The following GPC6 variants were observed in gnomAD, a reference collection of about 807,000 sequenced individuals.
GPC6 encodes glypican 6, also known as glypican-6.
A neutral mutation model predicts 55.2 loss-of-function variants in GPC6; 14 were observed. That is an observed-to-expected ratio of 0.25 (90% confidence interval 0.17 to 0.40). The LOEUF (loss-of-function observed/expected upper bound fraction) is 0.40. Ranked by LOEUF, GPC6 falls within the 10% of genes least tolerant of loss-of-function variation. GPC6 has a pLI of 1.00. For missense variants in GPC6, 641 were observed against 708.5 expected (o/e 0.90, Z 1.08); for synonymous variants, 278 against 259.6 (o/e 1.07, Z -0.68).
At chr13:94,029,954 A>G (rs1035832022) in intron 4 of GPC6, among the ~76,000 whole-genome samples, 1 of 151,966 alleles carries the variant, frequency 6.6e-6, no homozygotes, top group Admixed American at 6.6e-5. Context: ...ATGAAAAGCA[A>G]GCGTGGTGGT....
At chr13:93,446,918 A>G (rs1461384508) in intron 1 of GPC6, among the ~76,000 whole-genome samples, 1 of 152,134 alleles carries the variant, frequency 6.6e-6, no homozygotes, top group Non-Finnish European at 1.5e-5. Context: ...TTTTTAAAAA[A>G]ATCAATGCCA....
At position 94,316,880 on chromosome 13, in the gene GPC6, T is replaced by C. The variant is rs114619886; in HGVS notation, c.1152+10757T>C. On this transcript the variant is annotated intron_variant, in intron 6 of 8. Coordinates refer to ENST00000377047, the MANE Select transcript of GPC6 (RefSeq NM_005708.5). ...ATGTTTGCTTAGGCAAAGCGATTTT[T>C]CTGCTTTTCTTTCTGGGCCAAACTG... 2.4e-3 allele frequency among the ~76,000 whole-genome samples: 370 copies of C among 152,342 alleles called. 2 individuals are homozygous for C. Among genetic ancestry groups the C allele is most frequent in the African/African-American group, 8.0e-3 (334 of 41,582 alleles).
chr13:93,276,763 G>T (rs753963785), intron 1 of GPC6, among the ~76,000 whole-genome samples: 44 of 152,074 alleles, frequency 2.9e-4, no homozygotes, highest in Non-Finnish European at 5.0e-4. Context: ...GGGGCCTGAG[G>T]CCTGGTGAAA....
At chr13:93,703,896 A>G (rs1044534938) in intron 2 of GPC6, among the ~76,000 whole-genome samples, 1 of 151,972 alleles carries the variant, frequency 6.6e-6, no homozygotes, top group African/African-American at 2.4e-5. Context: ...TTTAATTCAG[A>G]GCAAAAGTAT....
Position 93,924,130 on chromosome 13 carries a change from C to T in GPC6, c.711+93585C>T, listed in dbSNP as rs1465003342. Among the ~76,000 whole-genome samples the T allele has an allele frequency of 2.0e-5, 3 of 152,192 alleles. No individual in the cohort carries two copies. In the East Asian group the frequency reaches 5.8e-4, roughly 29 times the overall value. ...TCTAAATTACGGGGTCTGTGAGCTC[C>T]TAAGTTATGATGGTTCTTTGGATGT... On this transcript the variant is annotated intron_variant, in intron 3 of 8. Transcript: ENST00000377047.
At chr13:93,611,373 A>T (rs961442703) in intron 2 of GPC6, among the ~76,000 whole-genome samples, 1 of 152,142 alleles carries the variant, frequency 6.6e-6, no homozygotes, top group Non-Finnish European at 1.5e-5. Context: ...TCATTGAAAA[A>T]TTTCAGAGTA....
At chr13:93,390,248 T>C (rs1875570649) in intron 1 of GPC6, among the ~76,000 whole-genome samples, 1 of 152,088 alleles carries the variant, frequency 6.6e-6, no homozygotes. Flanking sequence ...GTAAAGATTA[T>C]TGGTAAACCG....
chr13:93,713,565 A>C (rs1883146013), intron 2 of GPC6, among the ~76,000 whole-genome samples: 1 of 151,748 alleles, frequency 6.6e-6, no homozygotes, highest in South Asian at 2.1e-4. Context: ...CAATGGCATA[A>C]TTATAGCTCA....
intron 1 of GPC6, among the ~76,000 whole-genome samples, chr13:93,300,215 C>A (rs781382467): frequency 3.9e-5 from 6 of 152,140 alleles, no homozygotes; most frequent in Admixed American, 1.3e-4. Flanking sequence ...TAGTGAAATC[C>A]TTAATGGCTT....
chr13:94,343,286 C>T (rs1048918044), intron 6 of GPC6, among the ~76,000 whole-genome samples: 1 of 152,170 alleles, frequency 6.6e-6, no homozygotes, highest in Non-Finnish European at 1.5e-5. Flanking sequence ...CCAGGAGAGC[C>T]TGCTGCATCA....
intron 1 of GPC6, among the ~76,000 whole-genome samples, chr13:93,499,619 T>C (rs1880449253): frequency 6.6e-6 from 1 of 152,002 alleles, no homozygotes; most frequent in Non-Finnish European, 1.5e-5. Flanking sequence ...GTGGGAGGAG[T>C]GAACACCTGA....
intron 1 of GPC6, among the ~76,000 whole-genome samples, chr13:93,510,997 A>ATGTATATATATATGTGTATATATATGTG (rs1279972391): frequency 2.2e-5 from 1 of 44,566 alleles, no homozygotes; most frequent in African/African-American, 7.4e-5. Flanking sequence ...GTATATATAT[A>ATGTATATATATATGTGTATATATATGTG]TATATATATT....
intron 3 of GPC6, among the ~76,000 whole-genome samples, chr13:94,010,336 G>GC (rs1882195931): frequency 6.6e-6 from 1 of 152,210 alleles, no homozygotes; most frequent in Admixed American, 6.5e-5. Flanking sequence ...ACATCAGAAG[G>GC]CCAAGGGTAA....
chr13:94,150,814 G>GTGTATATATATATATATATATATA (rs1555301309), intron 4 of GPC6, among the ~76,000 whole-genome samples: 1 of 100,618 alleles, frequency 9.9e-6, no homozygotes, highest in African/African-American at 3.8e-5. Flanking sequence ...GAGATCAGCA[G>GTGTATATATATATATATATATATA]TATATATATA....
intron 4 of GPC6, among the ~76,000 whole-genome samples, chr13:94,261,503 A>G (rs1031244467): frequency 6.6e-6 from 1 of 152,216 alleles, no homozygotes; most frequent in African/African-American, 2.4e-5. Context: ...TTTACGTGTG[A>G]GGTCAGTAGA....
chr13:93,322,631 G>A (rs1222872269), intron 1 of GPC6, among the ~76,000 whole-genome samples: 1 of 151,076 alleles, frequency 6.6e-6, no homozygotes, highest in Admixed American at 6.6e-5. Flanking sequence ...GTAGAGATGG[G>A]GTTTCACCAT....
chr13:93,679,970 C>T (rs2138763927), intron 2 of GPC6, among the ~76,000 whole-genome samples: 1 of 152,008 alleles, frequency 6.6e-6, no homozygotes, highest in East Asian at 1.9e-4. Flanking sequence ...GATGGCAGAT[C>T]ATGACAATTG....
chr13:94,072,250 T>C (rs1884760026), intron 4 of GPC6, among the ~76,000 whole-genome samples: 1 of 152,230 alleles, frequency 6.6e-6, no homozygotes, highest in Non-Finnish European at 1.5e-5. Flanking sequence ...AAATATTTAA[T>C]GAAGATGGAA....
chr13:93,799,978 C>G (rs907594919), intron 2 of GPC6, among the ~76,000 whole-genome samples: 1 of 151,730 alleles, frequency 6.6e-6, no homozygotes, highest in African/African-American at 2.4e-5. Context: ...ACTCAGTGAA[C>G]AAGACAGACA....
Sources: allele counts gnomAD v4.1 joint callset (sites outside exome capture counted in the v4.1 genomes callset), GRCh38; gene constraint gnomAD v4.1.1; transcripts MANE v1.5; gene names NCBI Gene and HGNC (gene_info 2026-07-23, HGNC 2026-07-21).